Variants in SMO observed in about 807,000 individuals in gnomAD.
SMO encodes protein smoothened.
A neutral mutation model predicts 81.6 loss-of-function variants in SMO; 40 were observed. The observed-to-expected ratio is 0.49, with a 90% confidence interval of 0.38 to 0.64. The LOEUF is 0.64. Among genes scored for constraint, SMO ranks in the 30% least tolerant of loss-of-function variants. SMO has a pLI of 0.00. For missense variants in SMO, 916 were observed against 1,061.1 expected (o/e 0.86, Z 1.90); for synonymous variants, 434 against 432.1 (o/e 1.00, Z -0.05).
At position 129,206,677 on chromosome 7, in the gene SMO, C is replaced by A. The variant is rs2150651071; in HGVS notation, c.1264+90C>A. On this transcript the variant is annotated intron_variant, in intron 6 of 11. Coordinates refer to ENST00000249373, the MANE Select transcript of SMO (RefSeq NM_005631.5). The surrounding 1 kb of genome is among the most constrained non-coding windows in gnomAD (Gnocchi z 4.4). The stretch of plus-strand genomic sequence containing the variant: ...TGGGAGCTGCCAGCACGGCTGCCCC[C>A]ATGCTGAAACCCCAGCTAGCTCCTA... 1.4e-6 allele frequency: 2 copies of A among 1,418,780 alleles called. No individual in the cohort carries two copies. Among genetic ancestry groups the A allele is most frequent in the Non-Finnish European group, 1.9e-6 (2 of 1,031,626 alleles). 87.9% of individuals were successfully genotyped at this position (1,418,780 alleles called of 1,614,324 possible). A position where few individuals can be genotyped will look rare whatever the true frequency, so the allele number is the denominator to read the frequency against.
At chr7:129,194,534 C>G (rs1369193235) in intron 1 of SMO, among the ~76,000 whole-genome samples, 4 of 152,194 alleles carry the variant, frequency 2.6e-5, no homozygotes, top group Non-Finnish European at 5.9e-5. Context: ...TGTGTCTTGT[C>G]TAGTCACATC....
At position 129,208,864 on chromosome 7, in the gene SMO, G is replaced by C. The variant is rs202165205; in HGVS notation, c.1357+13G>C. 2 of 1,596,640 alleles carry C rather than the reference G, an allele frequency of 1.3e-6. No individual in the cohort carries two copies. Among genetic ancestry groups the C allele is most frequent in the Non-Finnish European group, 8.6e-7 (1 of 1,165,630 alleles). ...ATGCTGCGCCTGGGTGAGTGGCCCC[G>C]GGGGACTTCGGTCTGAGGTCCTGGC... is the stretch of plus-strand genomic sequence containing the variant. On this transcript the variant is annotated intron_variant, in intron 7 of 11. Coordinates refer to ENST00000249373, the MANE Select transcript of SMO (RefSeq NM_005631.5). The surrounding 1 kb of genome is among the most constrained non-coding windows in gnomAD (Gnocchi z 5.2).
chr7:129,195,064 T>C (rs140282462), intron 1 of SMO, among the ~76,000 whole-genome samples: 7 of 152,358 alleles, frequency 4.6e-5, no homozygotes, highest in Non-Finnish European at 8.8e-5. Context: ...CATTGCTGAA[T>C]AATATTCCAT....
intron 7 of SMO, 33 bp from the exon 8 acceptor site, chr7:129,209,256 G>A: frequency 7.7e-7 from 1 of 1,303,320 alleles, no homozygotes; most frequent in Non-Finnish European, 1.1e-6. Flanking sequence ...GACTGGGCTT[G>A]GTAACGTCCT....
In SMO at chr7:129,203,608, A is replaced by G. The variant is rs2150647003; in HGVS notation, c.537+19A>G. Reference sequence around the variant, plus strand: ...CTGCACGGTGAGTGCTCTGTGAGACAAGGTCCAGGCTCTCTGGGTTGGGCA... The same window carrying G: ...CTGCACGGTGAGTGCTCTGTGAGACGAGGTCCAGGCTCTCTGGGTTGGGCA... On this transcript the variant is annotated intron_variant, in intron 2 of 11. Transcript: ENST00000249373. 6.3e-7 allele frequency: 1 copy of G among 1,583,618 alleles called. No homozygotes were observed. Among genetic ancestry groups the G allele is most frequent in the Non-Finnish European group, 8.5e-7 (1 of 1,169,832 alleles).
In SMO at chr7:129,206,335, T is replaced by A. The variant is rs1479795628; in HGVS notation, c.1106T>A (p.Phe369Tyr). The change falls in exon 5 of 12, where the codon TTT becomes TAT. Residue 369 changes from phenylalanine to tyrosine, a missense_variant. Phe to Tyr is a conservative substitution (Grantham distance 22). Around this residue, in one of 4 missense-constraint regions of SMO, gnomAD observed 436 missense variants for 570.9 expected, o/e 0.76. Transcript: ENST00000249373. This position sits in a 1 kb window ranked among gnomAD's most constrained non-coding sequence, Gnocchi z 4.4. ...CACCTGCTCACCTGGTCACTCCCCT[T>A]TGTCCTCACTGTGGCAATCCTTGCT... ...YFHLLTWSLP[F>Y]VLTVAILAVA... 1 of 1,614,180 alleles carries A rather than the reference T, an allele frequency of 6.2e-7. No individual in the cohort carries two copies. The highest frequency in any genetic ancestry group is 1.3e-5 in the African/African-American group (1 of 75,048).
At position 129,210,309 on chromosome 7, in the gene SMO, A is replaced by G. The variant is rs1793848180; in HGVS notation, c.1467-54A>G. 1 of 1,470,900 alleles carries G rather than the reference A, an allele frequency of 6.8e-7. No homozygotes were observed. Among genetic ancestry groups the G allele is most frequent in the Non-Finnish European group, 9.5e-7 (1 of 1,052,692 alleles). 91.1% of individuals were successfully genotyped at this position (1,470,900 alleles called of 1,614,324 possible). Reference sequence around the variant, plus strand: ...GACAGAGCAAGATCCTATCTCAAAAAAAGAGAGAGGAAAAGAAAGGAAAGC... The same window carrying G: ...GACAGAGCAAGATCCTATCTCAAAAGAAGAGAGAGGAAAAGAAAGGAAAGC... On this transcript the variant is annotated intron_variant, in intron 8 of 11. Coordinates refer to ENST00000249373, the MANE Select transcript of SMO (RefSeq NM_005631.5). The surrounding 1 kb of genome is among the most constrained non-coding windows in gnomAD (Gnocchi z 4.7).
chr7:129,201,086 G>A (rs149884134), intron 1 of SMO, among the ~76,000 whole-genome samples: 40 of 151,880 alleles, frequency 2.6e-4, no homozygotes, highest in African/African-American at 8.9e-4. Context: ...TTGCTCTGTC[G>A]CCTAGGCTGG....
At chr7:129,194,014 C>T (rs1447991150) in intron 1 of SMO, among the ~76,000 whole-genome samples, 12 of 150,150 alleles carry the variant, frequency 8.0e-5, no homozygotes, top group Non-Finnish European at 1.0e-4. Context: ...GCAAAAGGAT[C>T]GCTTGAACCC....
chr7:129,194,550 C>A (rs1793540387), intron 1 of SMO, among the ~76,000 whole-genome samples: 1 of 152,192 alleles, frequency 6.6e-6, no homozygotes, highest in Non-Finnish European at 1.5e-5. Context: ...ACATCCCCCT[C>A]CCCTTGCTCA....
At chr7:129,197,557 A>G (rs958396061) in intron 1 of SMO, among the ~76,000 whole-genome samples, 1 of 151,944 alleles carries the variant, frequency 6.6e-6, no homozygotes, top group Non-Finnish European at 1.5e-5. Context: ...CCTCCCAAGT[A>G]TCTGGGACTA....
chr7:129,195,913 A>T lies in SMO; in HGVS notation c.331+6431A>T, dbSNP rs549436651. Among the ~76,000 whole-genome samples, 60 of 152,184 alleles carry T rather than the reference A, an allele frequency of 3.9e-4. 1 individual carries two copies. Among genetic ancestry groups the T allele is most frequent in the Admixed American group, 1.2e-3 (18 of 15,262 alleles). On this transcript the variant is annotated intron_variant, in intron 1 of 11. Coordinates refer to ENST00000249373, the MANE Select transcript of SMO (RefSeq NM_005631.5). ...TCAGGAAGTCGAGACCATCCTGGCT[A>T]ACACGGTGAAACCCCATCTCTACTA...
intron 1 of SMO, among the ~76,000 whole-genome samples, chr7:129,195,348 G>T (rs1793555886): frequency 6.6e-6 from 1 of 152,114 alleles, no homozygotes; most frequent in Non-Finnish European, 1.5e-5. Context: ...CCAACATTTG[G>T]TATTATCAGC....
intron 1 of SMO, 115 bp from the exon 2 acceptor site, chr7:129,203,269 A>G: frequency 1.4e-6 from 1 of 736,584 alleles, no homozygotes; most frequent in Non-Finnish European, 2.3e-6. Flanking sequence ...TGTACCTGCC[A>G]GGTCTGACCA....
At chr7:129,200,477 A>G (rs1793652514) in intron 1 of SMO, among the ~76,000 whole-genome samples, 1 of 152,216 alleles carries the variant, frequency 6.6e-6, no homozygotes, top group Non-Finnish European at 1.5e-5. Context: ...TAGAAAAACA[A>G]TGTAGTTATT....
chr7:129,208,143 T>G lies in SMO; in HGVS notation c.1265-616T>G, dbSNP rs1793804890. 6.6e-6 allele frequency among the ~76,000 whole-genome samples: 1 copy of G among 152,162 alleles called. No homozygotes were observed. Among genetic ancestry groups the G allele is most frequent in the Non-Finnish European group, 1.5e-5 (1 of 68,038 alleles). The stretch of plus-strand genomic sequence containing the variant: ...AAGTGGCCACTAGAAATTTGCCATA[T>G]GTATGTGGCTCACATATTTCTATGG... On this transcript the variant is annotated intron_variant, in intron 6 of 11. Transcript: ENST00000249373. The surrounding 1 kb of genome is among the most constrained non-coding windows in gnomAD (Gnocchi z 5.2).
chr7:129,199,784 C>CTAT (rs916518248), intron 1 of SMO, among the ~76,000 whole-genome samples: 3 of 152,100 alleles, frequency 2.0e-5, no homozygotes, highest in Non-Finnish European at 4.4e-5. Context: ...CGACCTCACT[C>CTAT]TTAATAATAC....
rs1239346112 is a variant in SMO, at chr7:129,206,033, C to T, written c.921-117C>T. 1.1e-6 allele frequency: 1 copy of T among 934,410 alleles called. No homozygotes were observed. Among genetic ancestry groups the T allele is most frequent in the East Asian group, 2.4e-5 (1 of 41,430 alleles). 57.9% of individuals were successfully genotyped at this position (934,410 alleles called of 1,614,324 possible). On this transcript the variant is annotated intron_variant, in intron 4 of 11. Coordinates refer to ENST00000249373, the MANE Select transcript of SMO (RefSeq NM_005631.5). This position sits in a 1 kb window ranked among gnomAD's most constrained non-coding sequence, Gnocchi z 4.4. ...TCTGACCTGGGTCCTGTCTCCAAGCCCTGACTTCTGGGAACCTCCAGACCT... is the reference window on the plus strand; with the variant it reads ...TCTGACCTGGGTCCTGTCTCCAAGCTCTGACTTCTGGGAACCTCCAGACCT...
Position 129,206,988 on chromosome 7 carries a change from G to C in SMO, c.1264+401G>C, listed in dbSNP as rs953104902. 2.0e-5 allele frequency among the ~76,000 whole-genome samples: 3 copies of C among 152,198 alleles called. No homozygotes were observed. Among genetic ancestry groups the C allele is most frequent in the African/African-American group, 7.2e-5 (3 of 41,448 alleles). On this transcript the variant is annotated intron_variant, in intron 6 of 11. Coordinates refer to ENST00000249373, the MANE Select transcript of SMO (RefSeq NM_005631.5). The surrounding 1 kb of genome is among the most constrained non-coding windows in gnomAD (Gnocchi z 4.4). ...CCCTCCCCCATAGCTAAAATTACAG[G>C]CATGCACCACCACGTCTGGCTAATT...
Sources: allele counts gnomAD v4.1 joint callset (sites outside exome capture counted in the v4.1 genomes callset), GRCh38; gene constraint gnomAD v4.1.1; regional missense constraint gnomAD v4.1.1; non-coding constraint Gnocchi (gnomAD v3.1); transcripts MANE v1.5; gene names NCBI Gene and HGNC (gene_info 2026-07-23, HGNC 2026-07-21).